The following DZANK1 variants were observed in gnomAD, a reference collection of about 807,000 sequenced individuals.
DZANK1 encodes double zinc ribbon and ankyrin repeat domains 1, also known as double zinc ribbon and ankyrin repeat-containing protein 1.
DZANK1 carries 91 observed loss-of-function variants against 94.5 expected under a neutral mutation model. The ratio of observed to expected loss-of-function variants is 0.96; its 90% CI spans 0.81 to 1.15. The LOEUF (loss-of-function observed/expected upper bound fraction) is 1.15, where lower values mean the gene tolerates loss of function less well. Ranked by LOEUF, DZANK1 falls within the 50% of genes most tolerant of loss-of-function variation. The pLI is 0.00. For synonymous variants in DZANK1, 312 were observed against 325.3 expected (o/e 0.96, Z 0.44); for missense variants, 903 against 916.4 (o/e 0.99, Z 0.19).
intron 4 of DZANK1, chr20:18,454,497 C>G (rs1244625885): frequency 6.1e-6 from 1 of 164,306 alleles, no homozygotes; most frequent in Non-Finnish European, 1.3e-5. Context: ...TTACTGTAGG[C>G]TAGCCCATCC....
chr20:18,413,611 C>G (rs1273625866), intron 12 of DZANK1, among the ~76,000 whole-genome samples: 1 of 152,096 alleles, frequency 6.6e-6, no homozygotes. Context: ...GAAACCCCAT[C>G]TCTACTAAAA....
Position 18,443,322 on chromosome 20 carries a change from T to C in DZANK1, c.747+25A>G, listed in dbSNP as rs1341188015. ...AAAGATCAGATCAACCAATGAAAGA[T>C]GTTTTTAAGAATTCTGCTGCTCACC... On this transcript the variant is annotated intron_variant, in intron 8 of 20. Transcript: ENST00000262547. 9.2e-6 allele frequency: 13 copies of C among 1,408,350 alleles called. No individual in the cohort carries two copies. The Admixed American group carries it at 2.4e-4, about 26-fold the overall frequency. The allele number at this position is 1,408,350 out of a possible 1,614,324, so 87.2% of individuals were successfully genotyped here.
Position 18,464,836 on chromosome 20 carries a change from T to G in DZANK1, c.109+414A>C, listed in dbSNP as rs2059591304. Reference sequence around the variant, plus strand: ...GATTACAGGTGCCCACCACCATGTCTGGCTAATTTTTGTATTTTTAGTAAG... The same window carrying G: ...GATTACAGGTGCCCACCACCATGTCGGGCTAATTTTTGTATTTTTAGTAAG... On this transcript the variant is annotated intron_variant, in intron 2 of 20. Transcript: ENST00000262547. Among the ~76,000 whole-genome samples, 3 of 152,000 alleles carry G rather than the reference T, an allele frequency of 2.0e-5. No individual in the cohort carries two copies. In the South Asian group the frequency reaches 6.2e-4, roughly 32 times the overall value.
chr20:18,405,531 AG>A (rs1297970472), intron 13 of DZANK1, among the ~76,000 whole-genome samples: 3 of 152,218 alleles, frequency 2.0e-5, no homozygotes, highest in African/African-American at 4.8e-5. Context: ...GAAATGGGAC[AG>A]AAAAAAATAT....
exon 17 of DZANK1, chr20:18,393,777 A>T: frequency 6.2e-7 from 1 of 1,613,322 alleles, no homozygotes; most frequent in South Asian, 1.1e-5. Context: ...TGATTTTTTC[A>T]ATAGTATCTG....
In DZANK1 at chr20:18,396,468, T is replaced by C. The variant is rs1394755488; in HGVS notation, c.1611+4A>G. 1.2e-6 allele frequency: 2 copies of C among 1,610,238 alleles called. No individual in the cohort carries two copies. The highest frequency in any genetic ancestry group is 1.7e-6 in the Non-Finnish European group (2 of 1,177,634). On this transcript the variant is annotated splice_donor_region_variant and intron_variant, in intron 15 of 20. Coordinates refer to ENST00000262547, the Ensembl canonical transcript of DZANK1. ...AAATGAATAACTTCTGGAGGCTTACTCACCTTGTTTGAGACTTGACTATAA... is the reference window on the plus strand; with the variant it reads ...AAATGAATAACTTCTGGAGGCTTACCCACCTTGTTTGAGACTTGACTATAA...
intron 13 of DZANK1, among the ~76,000 whole-genome samples, chr20:18,411,926 C>T (rs2057276556): frequency 6.6e-6 from 1 of 152,146 alleles, no homozygotes; most frequent in Non-Finnish European, 1.5e-5. Context: ...ACGTTGTGTC[C>T]TCACATGGAG....
chr20:18,462,649 G>A (rs1156501254), intron 2 of DZANK1, among the ~76,000 whole-genome samples: 1 of 152,104 alleles, frequency 6.6e-6, no homozygotes, highest in Non-Finnish European at 1.5e-5. Flanking sequence ...CTATTGGCAG[G>A]GATGTAAGTT....
At chr20:18,466,557 C>A (rs2059662574) in intron 1 of DZANK1, among the ~76,000 whole-genome samples, 1 of 152,062 alleles carries the variant, frequency 6.6e-6, no homozygotes. Flanking sequence ...TGCCCATAGT[C>A]GCATTTCCAT....
chr20:18,387,153 G>A (rs930161279), intron 19 of DZANK1, among the ~76,000 whole-genome samples: 12 of 152,126 alleles, frequency 7.9e-5, no homozygotes, highest in Admixed American at 1.3e-4. Flanking sequence ...CATTTGAACT[G>A]GGATATATTC....
chr20:18,465,380 C>CTCTATA lies in DZANK1; in HGVS notation c.-19-4_-19-3insTATAGA. 4 of 898,100 alleles carry CTCTATA rather than the reference C, an allele frequency of 4.5e-6. No homozygotes were observed. Among genetic ancestry groups the CTCTATA allele is most frequent in the Non-Finnish European group, 6.4e-6 (4 of 626,012 alleles). 55.6% of individuals were successfully genotyped at this position (898,100 alleles called of 1,614,324 possible). A position where few individuals can be genotyped will look rare whatever the true frequency, so the allele number is the denominator to read the frequency against. On this transcript the variant is annotated splice_polypyrimidine_tract_variant and splice_region_variant and intron_variant, in intron 1 of 20. Coordinates refer to ENST00000262547, the Ensembl canonical transcript of DZANK1. ...TCATTTTCTCTCTCTCTCTCTCTCT[C>CTCTATA]TATATATATATACATATAAATTCCA...
Position 18,398,568 on chromosome 20 carries a change from G to T in DZANK1, c.1491C>A (p.Asn497Lys), listed in dbSNP as rs777443153. 43 of 1,613,994 alleles carry T rather than the reference G, an allele frequency of 2.7e-5. No individual in the cohort carries two copies. The highest frequency in any genetic ancestry group is 3.6e-5 in the Non-Finnish European group (42 of 1,179,878). Residue 497 changes from asparagine to lysine, a missense_variant, in exon 14 of 21, where the codon AAC (asparagine) becomes AAA (lysine). Coordinates refer to ENST00000262547, the Ensembl canonical transcript of DZANK1. Reference sequence around the variant, plus strand: ...CAATCAAGGCCCGGAATTCAGGGTTGTTCTGAGCATAACACCTGAGGTGAG... The same window carrying T: ...CAATCAAGGCCCGGAATTCAGGGTTTTTCTGAGCATAACACCTGAGGTGAG...
chr20:18,392,562 T>G (rs1387708636), intron 17 of DZANK1, among the ~76,000 whole-genome samples: 7 of 152,198 alleles, frequency 4.6e-5, no homozygotes, highest in Admixed American at 3.9e-4. Context: ...ATCTGTTCTT[T>G]GTATTGCAGC....
chr20:18,460,248 C>T, exon 3 of DZANK1: 1 of 1,593,262 alleles, frequency 6.3e-7, no homozygotes, highest in Non-Finnish European at 8.6e-7. Flanking sequence ...AACCAATTCT[C>T]TTTAGAAATT....
intron 10 of DZANK1, among the ~76,000 whole-genome samples, chr20:18,416,199 G>C (rs2057481397): frequency 6.6e-6 from 1 of 152,138 alleles, no homozygotes; most frequent in South Asian, 2.1e-4. Context: ...TGCACGATTA[G>C]AGCCATCTGA....
Position 18,443,444 on chromosome 20 carries a change from G to T in DZANK1, c.650C>A (p.Pro217His), listed in dbSNP as rs757404761. 5.4e-6 allele frequency: 8 copies of T among 1,491,958 alleles called. No individual in the cohort carries two copies. In the East Asian group the frequency reaches 1.6e-4, roughly 29 times the overall value. 92.4% of individuals were successfully genotyped at this position (1,491,958 alleles called of 1,614,324 possible). A position where few individuals can be genotyped will look rare whatever the true frequency, so the allele number is the denominator to read the frequency against. Reference sequence around the variant, plus strand: ...GCGAGCAAAGGGATCTGATGGCCGGGGGGCAAGGCAGTGGGCACACCTACA... The same window carrying T: ...GCGAGCAAAGGGATCTGATGGCCGGTGGGCAAGGCAGTGGGCACACCTACA... Residue 217 changes from proline to histidine, a missense_variant, in exon 8 of 21, where the codon CCC becomes CAC. Coordinates refer to ENST00000262547, the Ensembl canonical transcript of DZANK1.
chr20:18,412,725 C>T (rs1259288986), exon 13 of DZANK1: 1 of 1,613,690 alleles, frequency 6.2e-7, no homozygotes, highest in South Asian at 1.1e-5. Context: ...AGGCTAGTTC[C>T]TGTTCCTTTT....
chr20:18,440,300 A>G (rs1476093964), intron 8 of DZANK1, among the ~76,000 whole-genome samples: 2 of 152,230 alleles, frequency 1.3e-5, no homozygotes, highest in Non-Finnish European at 2.9e-5. Flanking sequence ...ACAGGCCACT[A>G]CTGAGGCCAA....
intron 13 of DZANK1, among the ~76,000 whole-genome samples, chr20:18,408,303 G>A (rs1448774424): frequency 2.0e-5 from 3 of 152,190 alleles, no homozygotes; most frequent in African/African-American, 7.2e-5. Context: ...GGGACAGAGT[G>A]AGACTCCGTC....
Sources: allele counts gnomAD v4.1 joint callset (sites outside exome capture counted in the v4.1 genomes callset), GRCh38; gene constraint gnomAD v4.1.1; transcripts MANE v1.5; gene names NCBI Gene and HGNC (gene_info 2026-07-23, HGNC 2026-07-21).